FAM153A: variants seen among roughly 807,000 people sequenced by gnomAD.
The protein encoded by FAM153A is protein FAM153A.
In FAM153A, 12 loss-of-function variants were observed where a neutral mutation model predicts 48.1. That is an observed-to-expected ratio of 0.25 (90% CI 0.16 to 0.40). FAM153A has a LOEUF of 0.40. Among genes scored for constraint, FAM153A ranks in the 10% least tolerant of loss-of-function variants. FAM153A has a pLI of 1.00. For missense variants in FAM153A, 111 were observed against 345.8 expected, an observed-to-expected ratio of 0.32 and a Z score of 5.38; for synonymous variants, 36 against 118.2, an observed-to-expected ratio of 0.30 and a Z score of 4.51.
chr5:177,759,689 T>C (rs1307532947), intron 1 of FAM153A, among the ~76,000 whole-genome samples: 2 of 151,192 alleles, frequency 1.3e-5, no homozygotes, highest in South Asian at 2.1e-4. Flanking sequence ...CTGGAAACCA[T>C]CATTCTCAGC....
rs1236348349 is a variant in FAM153A at position 177,743,531 on chromosome 5, G to A, written c.364+863C>T. 3.1e-4 allele frequency among the ~76,000 whole-genome samples: 38 copies of A among 123,482 alleles called. 1 individual carries two copies. The highest frequency in any genetic ancestry group is 1.0e-3 in the African/African-American group (32 of 31,608). The allele number at this position is 123,482 out of a possible 152,430, so 81.0% of individuals were successfully genotyped here. On this transcript the variant is annotated intron_variant, in intron 6 of 20. Transcript: ENST00000614127. ...CCCCATTATCTTATGGTCAATATGA[G>A]GCCTCAATGGAGAAAGTTGGGGTGA...
At chr5:177,708,753 A>G (rs1041692286), downstream of FAM153A, among the ~76,000 whole-genome samples, 6 of 151,758 alleles carry the variant, frequency 4.0e-5, no homozygotes, top group Admixed American at 2.6e-4. Flanking sequence ...ACAGGATGGT[A>G]TCCCAGTTGT....
intron 24 of FAM153A, among the ~76,000 whole-genome samples, chr5:177,716,964 A>AGTGTGTGTGTGTGTGTGTGTGTGTGTGT (rs59312087): frequency 5.5e-5 from 7 of 127,734 alleles, no homozygotes; most frequent in South Asian, 5.4e-4. Flanking sequence ...ATTCCCGCTT[A>AGTGTGTGTGTGTGTGTGTGTGTGTGTGT]GTGTGTGTGT....
At chr5:177,694,697 A>G in the FAM153A span, among the ~76,000 whole-genome samples, 2 of 90,942 alleles carry the variant, frequency 2.2e-5, no homozygotes, top group Admixed American at 2.5e-4. Flanking sequence ...ACTAAATTGC[A>G]TTTTTCTATC....
At chr5:177,738,969 A>C (rs557125959) in intron 10 of FAM153A, 144 bp downstream of exon 12, 9 of 530,550 alleles carry the variant, frequency 1.7e-5, no homozygotes, top group Non-Finnish European at 3.1e-5. Context: ...TCGTCAGTAC[A>C]CTCTTAGAAA....
downstream of FAM153A, among the ~76,000 whole-genome samples, chr5:177,706,194 T>G (rs10075969): frequency 0.01 from 1,548 of 151,608 alleles, 61 homozygotes; most frequent in African/African-American, 0.036. Flanking sequence ...ATATGTTTTT[T>G]TTGTTGTTGT....
chr5:177,744,762 A>G (rs1765743326), intron 5 of FAM153A, 126 bp downstream of exon 7: 2 of 390,960 alleles, frequency 5.1e-6, no homozygotes, highest in Non-Finnish European at 8.8e-6. Context: ...TCTCACTTAC[A>G]ATTCCCCCCA....
the FAM153A span, among the ~76,000 whole-genome samples, chr5:177,697,666 G>A: frequency 6.6e-6 from 1 of 151,836 alleles, no homozygotes; most frequent in Admixed American, 6.6e-5. Context: ...GGGTCCCCTG[G>A]TACCTGGGGG....
chr5:177,706,178 G>GA (rs1489844445), downstream of FAM153A, among the ~76,000 whole-genome samples: 1 of 147,754 alleles, frequency 6.8e-6, no homozygotes. Context: ...AATATAGTTG[G>GA]AAAAAATATG....
At chr5:177,719,436 G>A (rs1760641435), downstream of FAM153A, among the ~76,000 whole-genome samples, 1 of 150,400 alleles carries the variant, frequency 6.6e-6, no homozygotes, top group African/African-American at 2.5e-5. Context: ...AAGGAAGAAA[G>A]GGAGGAGAGA....
chr5:177,705,904 C>G (rs1320712130), downstream of FAM153A, among the ~76,000 whole-genome samples: 1 of 151,448 alleles, frequency 6.6e-6, no homozygotes, highest in South Asian at 2.1e-4. Context: ...GTGATCTGCC[C>G]GCCTCGGCCT....
intron 1 of FAM153A, among the ~76,000 whole-genome samples, chr5:177,773,908 C>T (rs1769264449): frequency 9.2e-6 from 1 of 109,028 alleles, no homozygotes; most frequent in African/African-American, 3.6e-5. Context: ...AACAGCAGAT[C>T]TCTCGGCAGA....
chr5:177,760,488 G>A (rs1366256630), intron 1 of FAM153A, among the ~76,000 whole-genome samples: 3 of 41,434 alleles, frequency 7.2e-5, no homozygotes, highest in Non-Finnish European at 1.3e-4. Context: ...CACCCGCCTC[G>A]GCCTCCCAAA....
chr5:177,712,051 C>G (rs1758564133), exon 27 of FAM153A: 1 of 151,724 alleles, frequency 6.6e-6, no homozygotes, highest in Non-Finnish European at 1.5e-5. Context: ...AAACACATGT[C>G]TGATAAAGGG....
upstream of FAM153A, among the ~76,000 whole-genome samples, chr5:177,754,316 A>G (rs575518501): frequency 0.017 from 2,549 of 151,718 alleles, 64 homozygotes; most frequent in African/African-American, 0.058. Flanking sequence ...CCCAGGCTTG[A>G]GTAGGTAAAC....
rs549516666 is a variant in FAM153A at position 177,759,814 on chromosome 5, T to G, written c.-56-11115A>C. 3.4e-5 allele frequency among the ~76,000 whole-genome samples: 5 copies of G among 145,784 alleles called. 1 individual carries two copies. In the East Asian group the frequency reaches 1.0e-3, roughly 29 times the overall value. On this transcript the variant is annotated intron_variant, in intron 1 of 8. Coordinates refer to the FAM153A transcript ENST00000393518. ...GAGCATCACACACCGGGGCCTGTTG[T>G]GGGGGGGAGGGATAGCATTAGGAGA...
At chr5:177,701,748 G>T in the FAM153A span, among the ~76,000 whole-genome samples, 12,369 of 151,722 alleles carry the variant, frequency 0.082, 614 homozygotes, top group Non-Finnish European at 0.087. Flanking sequence ...CAAGAATGTG[G>T]AGGGCTCAGA....
At chr5:177,709,641 G>A (rs184780012), downstream of FAM153A, among the ~76,000 whole-genome samples, 20,153 of 142,960 alleles carry the variant, frequency 0.14, 1,860 homozygotes, top group African/African-American at 0.26. Flanking sequence ...GATTACAGGC[G>A]TCAGCCACTG....
chr5:177,719,012 C>T (rs1034589136), downstream of FAM153A, among the ~76,000 whole-genome samples: 12 of 151,552 alleles, frequency 7.9e-5, no homozygotes, highest in African/African-American at 2.9e-4. Flanking sequence ...TCCCGAGTAA[C>T]TGGGACTACA....
Sources: gnomAD v4.1 joint callset for allele counts (sites outside exome capture counted in the v4.1 genomes callset) on GRCh38, gnomAD v4.1.1 for gene constraint, MANE v1.5 for transcripts, NCBI Gene and HGNC (gene_info 2026-07-23, HGNC 2026-07-21) for gene names.